Variants in SPAG16 observed in about 807,000 individuals in gnomAD.
The protein encoded by SPAG16 is sperm-associated antigen 16 protein.
In SPAG16, 86 loss-of-function variants were observed where a neutral mutation model predicts 80.4. The ratio of observed to expected loss-of-function variants is 1.07; its 90% CI spans 0.90 to 1.28. The LOEUF is 1.28. Ranked by LOEUF, SPAG16 falls within the 50% of genes most tolerant of loss-of-function variation. The probability of loss-of-function intolerance (pLI) is 0.00; values close to 1 mark genes in which losing one functional copy is unlikely to be tolerated. For missense variants in SPAG16, 870 were observed against 765.3 expected (o/e 1.14, Z -1.61); for synonymous variants, 294 against 265.9 (o/e 1.11, Z -1.03).
At chr2:213,357,098 A>T (rs2065700845) in intron 7 of SPAG16, among the ~76,000 whole-genome samples, 1 of 152,104 alleles carries the variant, frequency 6.6e-6, no homozygotes, top group Non-Finnish European at 1.5e-5. Flanking sequence ...ATTTGATTGC[A>T]CTGTGGTCTG....
intron 10 of SPAG16, among the ~76,000 whole-genome samples, chr2:213,684,717 G>C (rs539696789): frequency 6.6e-5 from 10 of 151,956 alleles, no homozygotes; most frequent in Middle Eastern, 6.3e-3. Context: ...GTCATTACTG[G>C]GCAACTTATT....
At chr2:213,762,701 A>C (rs2068727830) in intron 10 of SPAG16, among the ~76,000 whole-genome samples, 2 of 152,222 alleles carry the variant, frequency 1.3e-5, no homozygotes, top group Non-Finnish European at 2.9e-5. Context: ...ACTTAGGGGA[A>C]AATTTTATAA....
chr2:213,537,186 T>G, intron 10 of SPAG16, among the ~76,000 whole-genome samples: 1 of 137,762 alleles, frequency 7.3e-6, no homozygotes, highest in Non-Finnish European at 1.6e-5. Flanking sequence ...GGGGGAGGGA[T>G]AGCTTTAGGA....
At chr2:213,296,794 A>T (rs188763104) in intron 2 of SPAG16, among the ~76,000 whole-genome samples, 4 of 152,332 alleles carry the variant, frequency 2.6e-5, no homozygotes, top group Admixed American at 2.0e-4. Context: ...GTACATAAGA[A>T]GCGTGTGTTA....
chr2:213,960,134 T>C (rs2106348109), intron 12 of SPAG16, among the ~76,000 whole-genome samples: 1 of 152,318 alleles, frequency 6.6e-6, no homozygotes, highest in Admixed American at 6.5e-5. Context: ...ATTTGTTTCC[T>C]CTGCCTGCTC....
intron 10 of SPAG16, among the ~76,000 whole-genome samples, chr2:213,840,389 AC>A (rs1357675622): frequency 1.3e-5 from 2 of 152,124 alleles, no homozygotes; most frequent in Non-Finnish European, 2.9e-5. Context: ...TTGAATAGAA[AC>A]TTTCCCCCTC....
At chr2:213,500,889 A>G (rs1174068205) in intron 10 of SPAG16, among the ~76,000 whole-genome samples, 1 of 152,248 alleles carries the variant, frequency 6.6e-6, no homozygotes, top group Non-Finnish European at 1.5e-5. Flanking sequence ...CGGCAAAGCA[A>G]TATCAGGAAA....
chr2:214,252,884 A>G (rs1690398591), intron 15 of SPAG16, among the ~76,000 whole-genome samples: 1 of 152,092 alleles, frequency 6.6e-6, no homozygotes, highest in South Asian at 2.1e-4. Context: ...TGTCTTCCAC[A>G]ATGGTTGAAC....
intron 6 of SPAG16, among the ~76,000 whole-genome samples, chr2:213,347,635 C>T (rs1450639838): frequency 5.3e-5 from 8 of 152,122 alleles, no homozygotes; most frequent in South Asian, 2.1e-4. Flanking sequence ...GCCTTCATTT[C>T]GTTATGTACC....
chr2:213,765,171 C>T (rs11681697), intron 10 of SPAG16, among the ~76,000 whole-genome samples: 37,666 of 152,160 alleles, frequency 0.25, 5,088 homozygotes, highest in Middle Eastern at 0.37. Flanking sequence ...GAGACCGAGA[C>T]CATCCTGGCC....
At chr2:213,984,833 A>T (rs545566386) in intron 12 of SPAG16, among the ~76,000 whole-genome samples, 1 of 152,000 alleles carries the variant, frequency 6.6e-6, no homozygotes, top group South Asian at 2.1e-4. Context: ...CTTCCAAATA[A>T]GCTTATGCCT....
At chr2:213,358,133 G>A (rs1436310772) in intron 7 of SPAG16, among the ~76,000 whole-genome samples, 1 of 152,174 alleles carries the variant, frequency 6.6e-6, no homozygotes, top group South Asian at 2.1e-4. Context: ...TCTGCTGTTA[G>A]TCTGATGAGC....
intron 10 of SPAG16, among the ~76,000 whole-genome samples, chr2:213,825,497 C>A (rs969277700): frequency 2.6e-5 from 4 of 151,584 alleles, no homozygotes; most frequent in African/African-American, 7.3e-5. Flanking sequence ...GGTTTTTTTC[C>A]TTCATTCTGT....
chr2:213,816,075 C>T (rs771880852), intron 10 of SPAG16, among the ~76,000 whole-genome samples: 2 of 152,154 alleles, frequency 1.3e-5, no homozygotes, highest in Non-Finnish European at 2.9e-5. Flanking sequence ...ACATTGTCAT[C>T]TCCTGGAATC....
intron 15 of SPAG16, among the ~76,000 whole-genome samples, chr2:214,284,011 C>T (rs546656473): frequency 1.3e-4 from 20 of 152,228 alleles, no homozygotes; most frequent in South Asian, 8.3e-4. Flanking sequence ...ATAATCAAAA[C>T]GTATCCTATT....
chr2:213,520,929 C>A (rs1262437844), intron 10 of SPAG16, among the ~76,000 whole-genome samples: 1 of 152,146 alleles, frequency 6.6e-6, no homozygotes, highest in Non-Finnish European at 1.5e-5. Flanking sequence ...AGAGGTCCTA[C>A]CATTTGGAGT....
chr2:213,377,595 G>GGTT (rs1408087032), intron 9 of SPAG16, among the ~76,000 whole-genome samples: 1 of 152,122 alleles, frequency 6.6e-6, no homozygotes, highest in Non-Finnish European at 1.5e-5. Flanking sequence ...GTGTGGAAGG[G>GGTT]GTTGTAATGG....
chr2:213,900,619 C>T (rs72946857), intron 11 of SPAG16, among the ~76,000 whole-genome samples: 28,511 of 152,036 alleles, frequency 0.19, 3,256 homozygotes, highest in South Asian at 0.32. Flanking sequence ...CTTTCCTAAG[C>T]CCTTTTATTA....
At chr2:213,823,957 C>T (rs1214503434) in intron 10 of SPAG16, among the ~76,000 whole-genome samples, 3 of 152,156 alleles carry the variant, frequency 2.0e-5, no homozygotes, top group South Asian at 2.1e-4. Flanking sequence ...GTTGCAATTG[C>T]TTTTGGCATT....
Sources: gnomAD v4.1 joint callset for allele counts (sites outside exome capture counted in the v4.1 genomes callset) on GRCh38, gnomAD v4.1.1 for gene constraint, MANE v1.5 for transcripts, NCBI Gene and HGNC (gene_info 2026-07-23, HGNC 2026-07-21) for gene names.